The following LRCH1 variants were observed in gnomAD, a reference collection of about 807,000 sequenced individuals.
The protein encoded by LRCH1 is leucine rich repeats and calponin homology domain containing 1.
Under a neutral mutation model 94.9 loss-of-function variants are expected in LRCH1, and 23 were observed. That is an observed-to-expected ratio of 0.24 (90% CI 0.17 to 0.34). The LOEUF (loss-of-function observed/expected upper bound fraction) is 0.34, where lower values mean the gene tolerates loss of function less well. LRCH1 is among the 10% of genes least tolerant of loss of function. The pLI is 1.00. For synonymous variants in LRCH1, 364 were observed against 354.9 expected (o/e 1.03, Z -0.29); for missense variants, 790 against 945.9 (o/e 0.84, Z 2.16).
downstream of LRCH1, among the ~76,000 whole-genome samples, chr13:46,749,343 C>A (rs1337557334): frequency 6.6e-6 from 1 of 152,026 alleles, no homozygotes; most frequent in African/African-American, 2.4e-5. Flanking sequence ...ACGTTGAATT[C>A]ACAAAAGCAG....
chr13:46,589,903 T>A (rs1404998004), intron 1 of LRCH1, among the ~76,000 whole-genome samples: 1 of 150,526 alleles, frequency 6.6e-6, no homozygotes, highest in East Asian at 1.9e-4. Flanking sequence ...GCCTGGGATT[T>A]TTTTTTTTTT....
chr13:46,586,618 A>C (rs988639226), intron 1 of LRCH1, among the ~76,000 whole-genome samples: 6 of 152,102 alleles, frequency 3.9e-5, no homozygotes, highest in Admixed American at 1.3e-4. Context: ...GGGTTTCGCC[A>C]TGTTGCCCAG....
At chr13:46,750,185 T>C (rs1874067940) in intron 18 of LRCH1, among the ~76,000 whole-genome samples, 1 of 152,214 alleles carries the variant, frequency 6.6e-6, no homozygotes, top group South Asian at 2.1e-4. Flanking sequence ...AGGGGCTATT[T>C]GCAGTTTTGC....
intron 15 of LRCH1, 60 bp from the exon 16 acceptor site, chr13:46,715,500 T>C: frequency 1.1e-6 from 1 of 893,426 alleles, no homozygotes; most frequent in South Asian, 1.4e-5. Context: ...CTGCTGCCCC[T>C]TTGGTTTTTC....
chr13:46,564,066 A>C (rs2050156971), intron 1 of LRCH1, among the ~76,000 whole-genome samples: 1 of 152,198 alleles, frequency 6.6e-6, no homozygotes, highest in African/African-American at 2.4e-5. Flanking sequence ...ACCTGGGGAG[A>C]ATAAGATAAA....
Position 46,741,775 on chromosome 13 carries a change from G to A in LRCH1, c.2219G>A (p.Gly740Asp). ...TSALRSRDLIGFCLVHILFIV... is the reference protein window; with the variant it reads ...TSALRSRDLIDFCLVHILFIV... Reference sequence around the variant, plus strand: ...GCCCTCCGCTCCAGGGACCTTATAGGCTTCTGTCTTGTCCATATTCTCTTT... The same window carrying A: ...GCCCTCCGCTCCAGGGACCTTATAGACTTCTGTCTTGTCCATATTCTCTTT... The change falls in exon 20 of 20, where the codon GGC becomes GAC. Residue 740 changes from glycine to aspartate, a missense_variant. By Grantham distance (94) the Gly-to-Asp change is moderately conservative (BLOSUM62 -1). This residue lies in a region of LRCH1 where 460 missense variants were observed against 508.9 expected (regional missense o/e 0.90). Transcript: ENST00000389797. The A allele has an allele frequency of 1.2e-6, 2 of 1,614,162 alleles. No individual in the cohort carries two copies. The highest frequency in any genetic ancestry group is 1.7e-6 in the Non-Finnish European group (2 of 1,180,020).
At chr13:46,609,158 G>T (rs1053261772) in intron 1 of LRCH1, among the ~76,000 whole-genome samples, 2 of 152,180 alleles carry the variant, frequency 1.3e-5, no homozygotes, top group African/African-American at 4.8e-5. Context: ...GCACAGAGTG[G>T]TCATAAGCAG....
Position 46,572,133 on chromosome 13 carries a change from A to C in LRCH1, c.307+18430A>C, listed in dbSNP as rs912476994. The stretch of plus-strand genomic sequence containing the variant: ...CCCTTGGTCTGCCAGCACAGGGCTG[A>C]GGCCATTCCCTGCACTCCTCTTCCT... On this transcript the variant is annotated intron_variant, in intron 1 of 19. Transcript: ENST00000389797. Among the ~76,000 whole-genome samples the C allele has an allele frequency of 3.3e-5, 5 of 152,298 alleles. No homozygotes were observed. The East Asian group carries it at 9.6e-4, about 29-fold the overall frequency.
chr13:46,649,198 C>T (rs1406752951), intron 1 of LRCH1, among the ~76,000 whole-genome samples: 1 of 152,058 alleles, frequency 6.6e-6, no homozygotes, highest in Non-Finnish European at 1.5e-5. Context: ...TCTGTGTTTT[C>T]TTTGGCTAAG....
intron 1 of LRCH1, among the ~76,000 whole-genome samples, chr13:46,591,885 G>A (rs541138292): frequency 1.3e-5 from 2 of 152,268 alleles, no homozygotes; most frequent in African/African-American, 4.8e-5. Context: ...CTCATTTATC[G>A]ATTTGCAACC....
chr13:46,563,292 A>G (rs899192321), intron 1 of LRCH1, among the ~76,000 whole-genome samples: 1 of 152,232 alleles, frequency 6.6e-6, no homozygotes. Context: ...CAGTACTCCA[A>G]TTAACAAGTA....
chr13:46,659,603 G>A (rs572738904), intron 2 of LRCH1, among the ~76,000 whole-genome samples: 17 of 152,306 alleles, frequency 1.1e-4, no homozygotes, highest in African/African-American at 4.1e-4. Context: ...AATATCAGCA[G>A]TGATACTCAG....
chr13:46,563,683 A>G (rs1476654760), intron 1 of LRCH1, among the ~76,000 whole-genome samples: 1 of 152,214 alleles, frequency 6.6e-6, no homozygotes, highest in East Asian at 1.9e-4. Flanking sequence ...CATGGTCTGT[A>G]TTAACTAGAG....
In LRCH1 at chr13:46,728,952, G is replaced by A; in HGVS notation, c.1975G>A (p.Val659Ile). The change falls in exon 18 of 20, where the codon GTT becomes ATT. Residue 659 changes from valine (V) to isoleucine (I), a missense_variant. Around this residue, in one of 3 missense-constraint regions of LRCH1, gnomAD observed 460 missense variants for 508.9 expected, o/e 0.90. Coordinates refer to ENST00000389797, the MANE Select transcript of LRCH1 (RefSeq NM_001164211.2). ...HLVNHIRPRSVASIHVPSPAV... is the reference protein window; with the variant it reads ...HLVNHIRPRSIASIHVPSPAV... ...GGTCAACCACATCCGCCCACGGTCGGTTGCAAGCATCCATGTCCCATCACC... is the reference window on the plus strand; with the variant it reads ...GGTCAACCACATCCGCCCACGGTCGATTGCAAGCATCCATGTCCCATCACC... The A allele has an allele frequency of 6.2e-7, 1 of 1,613,348 alleles. No individual in the cohort carries two copies. Among genetic ancestry groups the A allele is most frequent in the Non-Finnish European group, 8.5e-7 (1 of 1,179,630 alleles).
Position 46,743,303 on chromosome 13 carries a change from A to G in LRCH1, c.*1455A>G, listed in dbSNP as rs1348428346. On this transcript the variant is annotated 3_prime_UTR_variant, in exon 20 of 20. Coordinates refer to ENST00000389797, the MANE Select transcript of LRCH1 (RefSeq NM_001164211.2). ...TAGTTAGAAGAATATATTTATAAAG[A>G]TTCCTTGCTGCTAAGTCAGATCAGA... is the stretch of plus-strand genomic sequence containing the variant. 1.0e-6 allele frequency: 1 copy of G among 985,716 alleles called. No homozygotes were observed. The highest frequency in any genetic ancestry group is 1.2e-6 in the Non-Finnish European group (1 of 829,886). 61.1% of individuals were successfully genotyped at this position (985,716 alleles called of 1,614,324 possible).
chr13:46,556,219 C>T (rs1203307415), intron 1 of LRCH1, among the ~76,000 whole-genome samples: 5 of 152,236 alleles, frequency 3.3e-5, no homozygotes, highest in East Asian at 3.9e-4. Flanking sequence ...ATTTGGTTTA[C>T]GCCTTGTAAA....
chr13:46,716,939 TTTCAGAAAGTATAGCTA>T (rs1297150579), intron 16 of LRCH1, among the ~76,000 whole-genome samples: 4 of 152,124 alleles, frequency 2.6e-5, no homozygotes, highest in African/African-American at 9.7e-5. Context: ...CATTTTTGTT[TTTCAGAAAGTATAGCTA>T]TTTATGGGCC....
chr13:46,675,662 A>G (rs767152807), intron 3 of LRCH1, among the ~76,000 whole-genome samples: 11 of 152,164 alleles, frequency 7.2e-5, no homozygotes, highest in East Asian at 5.8e-4. Context: ...TAGCGTTCCA[A>G]TCTCTGAGGG....
In LRCH1 at chr13:46,741,866, A is replaced by C; in HGVS notation, c.*18A>C. 6.2e-7 allele frequency: 1 copy of C among 1,613,302 alleles called. No homozygotes were observed. The highest frequency in any genetic ancestry group is 8.5e-7 in the Non-Finnish European group (1 of 1,180,004). ...CCGCATAATGTCTGCACGTGCATCCAAACGCTGTGCTCTGTCGCCCTCAAC... is the reference window on the plus strand; with the variant it reads ...CCGCATAATGTCTGCACGTGCATCCCAACGCTGTGCTCTGTCGCCCTCAAC... On this transcript the variant is annotated 3_prime_UTR_variant, in exon 20 of 20. Transcript: ENST00000389797.
Sources: gnomAD v4.1 joint callset for allele counts (sites outside exome capture counted in the v4.1 genomes callset) on GRCh38, gnomAD v4.1.1 for gene constraint, gnomAD v4.1.1 regional missense constraint, MANE v1.5 for transcripts, NCBI Gene and HGNC (gene_info 2026-07-23, HGNC 2026-07-21) for gene names.